The following LRBA variants were observed in gnomAD, a reference collection of about 807,000 sequenced individuals.
The protein encoded by LRBA is lipopolysaccharide-responsive and beige-like anchor protein.
A neutral mutation model predicts 330.0 loss-of-function variants in LRBA; 176 were observed. The ratio of observed to expected loss-of-function variants is 0.53; its 90% CI spans 0.47 to 0.60. The LOEUF is 0.60. Ranked by LOEUF, LRBA falls within the 20% of genes least tolerant of loss-of-function variation. The pLI is 0.00. For missense variants in LRBA, 3,259 were observed against 3,444.8 expected (o/e 0.95, Z 1.35); for synonymous variants, 1,230 against 1,193.0 (o/e 1.03, Z -0.64).
rs1161794532 is a variant in LRBA, at chr4:150,820,534, GCTGAAT to G, written c.5172-3283_5172-3278del. The stretch of plus-strand genomic sequence containing the variant: ...TACATCTGCTCATAAATTTTTAAAA[GCTGAAT>G]TATTTCATATAGCTACATAATTAGT... On this transcript the variant is annotated intron_variant, in intron 30 of 56. Transcript: ENST00000651943. Among the ~76,000 whole-genome samples the G allele has an allele frequency of 4.6e-5, 7 of 151,968 alleles. No individual in the cohort carries two copies. In the South Asian group the frequency reaches 1.5e-3, roughly 32 times the overall value.
chr4:150,411,134 A>G (rs918205757), intron 47 of LRBA, among the ~76,000 whole-genome samples: 4 of 152,202 alleles, frequency 2.6e-5, no homozygotes, highest in African/African-American at 9.6e-5. Flanking sequence ...CCAACTGTTC[A>G]GAACAAAATA....
intron 31 of LRBA, among the ~76,000 whole-genome samples, chr4:150,813,294 T>C (rs867845782): frequency 5.3e-5 from 8 of 152,232 alleles, no homozygotes; most frequent in Non-Finnish European, 8.8e-5. Context: ...CACTTTCGCT[T>C]TTCTTTGAAA....
chr4:150,806,326 A>C lies in LRBA; in HGVS notation c.5463T>G (p.Phe1821Leu), dbSNP rs780371282. ...GGCTACCCAAAAGTGTCCGAGAAAG[A>C]AAAGGTGCAAAATCCACAAAAATCT... is the stretch of plus-strand genomic sequence containing the variant. ...LREIFVDFAP[F>L]LSRTLLGSHG... Residue 1821 changes from phenylalanine (F) to leucine (L), a missense_variant, in exon 33 of 57, where the codon TTT becomes TTG. Coordinates refer to ENST00000651943, the MANE Select transcript of LRBA (RefSeq NM_001364905.1). The C allele has an allele frequency of 6.2e-7, 1 of 1,608,600 alleles. No homozygotes were observed. The highest frequency in any genetic ancestry group is 2.3e-5 in the East Asian group (1 of 44,438).
Position 150,309,852 on chromosome 4 carries a change from G to T in LRBA, c.7849+377C>A, listed in dbSNP as rs184238472. 1.4e-3 allele frequency among the ~76,000 whole-genome samples: 217 copies of T among 152,236 alleles called. 1 individual carries two copies. The highest frequency in any genetic ancestry group is 4.3e-3 in the African/African-American group (178 of 41,566). On this transcript the variant is annotated intron_variant, in intron 52 of 56. Transcript: ENST00000651943. ...TAATGAGTCTTTCAAGTAGGAAAAA[G>T]AAAATCCTTTAAATAATACAAAAGT...
At position 151,014,741 on chromosome 4, in the gene LRBA, C is replaced by G; in HGVS notation, c.-99G>C. 1 of 759,556 alleles carries G rather than the reference C, an allele frequency of 1.3e-6. No homozygotes were observed. Among genetic ancestry groups the G allele is most frequent in the East Asian group, 2.7e-5 (1 of 36,892 alleles). The allele number at this position is 759,556 out of a possible 1,614,324, so 47.1% of individuals were successfully genotyped here. On this transcript the variant is annotated 5_prime_UTR_variant, in exon 2 of 57. Transcript: ENST00000651943. ...CACGCAATGCAAAACGAAAGGGTCC[C>G]TCTTCCAACTTGTGGAGATACCCCA...
At chr4:150,528,465 C>A (rs1233153786) in intron 40 of LRBA, among the ~76,000 whole-genome samples, 2 of 150,044 alleles carry the variant, frequency 1.3e-5, no homozygotes, top group African/African-American at 4.9e-5. Context: ...CACGCCACTG[C>A]ACTCCAGCCT....
intron 40 of LRBA, among the ~76,000 whole-genome samples, chr4:150,536,812 T>C (rs1295582743): frequency 1.3e-5 from 2 of 152,010 alleles, no homozygotes; most frequent in Non-Finnish European, 2.9e-5. Flanking sequence ...CAACATAACA[T>C]TGTGAAAAGA....
chr4:150,491,899 A>G (rs1758997827), intron 40 of LRBA, among the ~76,000 whole-genome samples: 1 of 152,190 alleles, frequency 6.6e-6, no homozygotes, highest in Non-Finnish European at 1.5e-5. Flanking sequence ...TAAGAAAATG[A>G]GATGCACTTG....
At chr4:150,853,008 A>T in intron 22 of LRBA, 65 bp from the exon 23 acceptor site, 1 of 861,368 alleles carries the variant, frequency 1.2e-6, no homozygotes, top group Non-Finnish European at 1.7e-6. Flanking sequence ...ACAAAATATA[A>T]AACTAAATAA....
At chr4:150,329,251 A>G (rs1047359745) in intron 48 of LRBA, among the ~76,000 whole-genome samples, 2 of 152,214 alleles carry the variant, frequency 1.3e-5, no homozygotes, top group Admixed American at 6.5e-5. Context: ...TCAGTTCTTG[A>G]TATTAAAAAT....
chr4:150,537,342 T>C (rs1410666700), intron 40 of LRBA, among the ~76,000 whole-genome samples: 1 of 152,124 alleles, frequency 6.6e-6, no homozygotes, highest in Non-Finnish European at 1.5e-5. Flanking sequence ...AGATGAAAGA[T>C]TTCAAGGTAA....
chr4:150,801,708 C>A (rs544388119), intron 33 of LRBA, among the ~76,000 whole-genome samples: 1 of 152,226 alleles, frequency 6.6e-6, no homozygotes, highest in African/African-American at 2.4e-5. Context: ...CAAGTTATCA[C>A]ACAAACTAAG....
chr4:150,898,032 T>C (rs1730298626), intron 14 of LRBA, among the ~76,000 whole-genome samples: 1 of 152,090 alleles, frequency 6.6e-6, no homozygotes, highest in Non-Finnish European at 1.5e-5. Context: ...ACAGGTTATG[T>C]TGAAACTACT....
At chr4:150,365,230 C>T (rs547035122) in intron 47 of LRBA, among the ~76,000 whole-genome samples, 8 of 152,162 alleles carry the variant, frequency 5.3e-5, no homozygotes, top group Admixed American at 2.0e-4. Context: ...TGGTCTCGAA[C>T]TCCTGGACTC....
chr4:150,956,913 A>C (rs1579316888), intron 2 of LRBA, among the ~76,000 whole-genome samples: 1 of 149,386 alleles, frequency 6.7e-6, no homozygotes, highest in Middle Eastern at 3.4e-3. Flanking sequence ...ATCATACTTA[A>C]TGGAAGTATC....
intron 3 of LRBA, 81 bp from the exon 4 acceptor site, chr4:150,928,697 G>T: frequency 7.7e-7 from 1 of 1,293,688 alleles, no homozygotes; most frequent in Non-Finnish European, 1.1e-6. Context: ...TTATTTAAGG[G>T]CTTGGACACT....
intron 40 of LRBA, chr4:150,579,375 G>T: frequency 2.2e-6 from 1 of 454,634 alleles, no homozygotes; most frequent in South Asian, 1.6e-5. Context: ...GGTGGGGGAG[G>T]GGGGAGAAAG....
chr4:150,960,892 A>ACATATAACACATTTCTTT (rs1287746955), intron 2 of LRBA, among the ~76,000 whole-genome samples: 2 of 149,450 alleles, frequency 1.3e-5, no homozygotes, highest in Non-Finnish European at 2.9e-5. Context: ...TGTATTAAAT[A>ACATATAACACATTTCTTT]CATATAACAC....
At chr4:151,006,628 T>C (rs1744100883) in intron 2 of LRBA, among the ~76,000 whole-genome samples, 1 of 152,130 alleles carries the variant, frequency 6.6e-6, no homozygotes, top group Admixed American at 6.5e-5. Flanking sequence ...TATAATAGAT[T>C]AGTTCAACTA....
Sources: allele counts gnomAD v4.1 joint callset (sites outside exome capture counted in the v4.1 genomes callset), GRCh38; gene constraint gnomAD v4.1.1; transcripts MANE v1.5; gene names NCBI Gene and HGNC (gene_info 2026-07-23, HGNC 2026-07-21).